Variants in DCC observed in about 807,000 individuals in gnomAD.
DCC encodes the protein netrin receptor DCC.
In DCC, 58 loss-of-function variants were observed where a neutral mutation model predicts 172.5. That is an observed-to-expected ratio of 0.34 (90% confidence interval 0.27 to 0.42). DCC has a LOEUF of 0.42. DCC is among the 10% of genes least tolerant of loss of function. DCC has a pLI of 1.00. For missense variants in DCC, 1,740 were observed against 1,791.0 expected (o/e 0.97, Z 0.51); for synonymous variants, 709 against 644.5 (o/e 1.10, Z -1.52).
intron 1 of DCC, among the ~76,000 whole-genome samples, chr18:52,404,252 T>C (rs1272729245): frequency 1.3e-5 from 2 of 152,030 alleles, no homozygotes. Context: ...AGAGCTTTAA[T>C]GAATTGAAAA....
At chr18:53,365,098 C>T (rs1187181760) in intron 15 of DCC, among the ~76,000 whole-genome samples, 2 of 151,810 alleles carry the variant, frequency 1.3e-5, no homozygotes, top group Non-Finnish European at 2.9e-5. Flanking sequence ...ACAACAGGCC[C>T]TGGTGTGCGA....
chr18:52,660,304 C>G (rs993414362), intron 1 of DCC, among the ~76,000 whole-genome samples: 1 of 152,118 alleles, frequency 6.6e-6, no homozygotes, highest in African/African-American at 2.4e-5. Context: ...CAAAGTTCCT[C>G]CATACTCCCT....
At chr18:52,583,319 G>A (rs2033596318) in intron 1 of DCC, among the ~76,000 whole-genome samples, 1 of 152,128 alleles carries the variant, frequency 6.6e-6, no homozygotes, top group South Asian at 2.1e-4. Context: ...GAGCACAAAG[G>A]CTTTGGAGTA....
At chr18:52,642,711 T>C (rs950022935) in intron 1 of DCC, among the ~76,000 whole-genome samples, 2 of 152,240 alleles carry the variant, frequency 1.3e-5, no homozygotes, top group Non-Finnish European at 2.9e-5. Context: ...TTGCTCAGGC[T>C]GGAGTGCAAT....
chr18:52,861,469 G>A (rs767739882), intron 2 of DCC, among the ~76,000 whole-genome samples: 16 of 152,204 alleles, frequency 1.1e-4, no homozygotes, highest in Non-Finnish European at 2.1e-4. Context: ...TGTAAACAAC[G>A]ATATTACCAT....
intron 5 of DCC, among the ~76,000 whole-genome samples, chr18:52,954,195 C>T (rs2040703698): frequency 6.6e-6 from 1 of 152,144 alleles, no homozygotes; most frequent in Non-Finnish European, 1.5e-5. Context: ...TAAAAATCTT[C>T]ACAACCCAAA....
intron 1 of DCC, among the ~76,000 whole-genome samples, chr18:52,483,476 G>A (rs944797053): frequency 2.6e-5 from 4 of 151,984 alleles, no homozygotes; most frequent in Non-Finnish European, 4.4e-5. Context: ...TGTCCAAAAT[G>A]TCCTTATTTT....
chr18:52,915,656 A>T (rs1317945353), intron 3 of DCC, among the ~76,000 whole-genome samples: 1 of 152,138 alleles, frequency 6.6e-6, no homozygotes, highest in East Asian at 1.9e-4. Context: ...ACTTTTAACA[A>T]ATTATTGCTG....
At chr18:52,445,764 A>C (rs1469891669) in intron 1 of DCC, among the ~76,000 whole-genome samples, 1 of 152,112 alleles carries the variant, frequency 6.6e-6, no homozygotes, top group Non-Finnish European at 1.5e-5. Context: ...ATTTATACCA[A>C]ACTCTTCATT....
At chr18:53,029,669 AT>A (rs2042001921) in intron 5 of DCC, among the ~76,000 whole-genome samples, 1 of 151,898 alleles carries the variant, frequency 6.6e-6, no homozygotes, top group Non-Finnish European at 1.5e-5. Context: ...CATATATCAT[AT>A]TGTTTTATTT....
At chr18:52,903,604 T>C (rs564173515) in intron 2 of DCC, among the ~76,000 whole-genome samples, 1 of 152,352 alleles carries the variant, frequency 6.6e-6, no homozygotes, top group African/African-American at 2.4e-5. Flanking sequence ...ACTTAAAATT[T>C]TATTCTCACC....
intron 1 of DCC, among the ~76,000 whole-genome samples, chr18:52,526,446 G>C (rs2031982602): frequency 6.6e-6 from 1 of 151,822 alleles, no homozygotes; most frequent in South Asian, 2.1e-4. Context: ...CTGGTAGTTG[G>C]TAAACAACAA....
chr18:52,673,528 G>A (rs141937852), intron 1 of DCC, among the ~76,000 whole-genome samples: 111 of 152,204 alleles, frequency 7.3e-4, no homozygotes, highest in Non-Finnish European at 1.4e-3. Context: ...CATGATAGTC[G>A]CATGGTTTGT....
At chr18:52,779,310 G>A (rs2037489840) in intron 2 of DCC, among the ~76,000 whole-genome samples, 2 of 151,884 alleles carry the variant, frequency 1.3e-5, no homozygotes, top group African/African-American at 2.4e-5. Flanking sequence ...CCCAAGTGGC[G>A]CATACCCCAA....
At chr18:52,961,526 C>T (rs1052736935) in intron 5 of DCC, among the ~76,000 whole-genome samples, 1 of 152,128 alleles carries the variant, frequency 6.6e-6, no homozygotes, top group African/African-American at 2.4e-5. Flanking sequence ...GTATACACTT[C>T]CCTGATCACT....
chr18:52,680,359 A>G (rs946084211), intron 1 of DCC, among the ~76,000 whole-genome samples: 1 of 152,088 alleles, frequency 6.6e-6, no homozygotes, highest in Admixed American at 6.6e-5. Flanking sequence ...GAAGAAGGCC[A>G]GTGATGTTTG....
intron 2 of DCC, among the ~76,000 whole-genome samples, chr18:52,899,665 CT>C (rs879845712): frequency 8.6e-4 from 126 of 145,922 alleles, no homozygotes; most frequent in Admixed American, 1.7e-3. Context: ...TTAAAAACAA[CT>C]TTTTTTTTTT....
intron 5 of DCC, among the ~76,000 whole-genome samples, chr18:52,992,224 A>G (rs1173834183): frequency 1.3e-5 from 2 of 152,086 alleles, no homozygotes; most frequent in Non-Finnish European, 2.9e-5. Context: ...GAATCCCACC[A>G]CCCTAGTCAG....
At chr18:53,454,230 A>G (rs975018043) in intron 23 of DCC, among the ~76,000 whole-genome samples, 26 of 152,172 alleles carry the variant, frequency 1.7e-4, no homozygotes, top group Non-Finnish European at 1.6e-4. Context: ...CTGCAGTCCC[A>G]GATACTCAGG....
Sources: gnomAD v4.1 joint callset for allele counts (sites outside exome capture counted in the v4.1 genomes callset) on GRCh38, gnomAD v4.1.1 for gene constraint, MANE v1.5 for transcripts, NCBI Gene and HGNC (gene_info 2026-07-23, HGNC 2026-07-21) for gene names.